Variants in SPMIP4 observed in about 807,000 individuals in gnomAD.
SPMIP4 encodes sperm microtubule inner protein 4, also known as sperm-associated microtubule inner protein 4.
chr7:25,171,639 C>T, the SPMIP4 span, among the ~76,000 whole-genome samples: 2 of 152,162 alleles, frequency 1.3e-5, no homozygotes, highest in Non-Finnish European at 2.9e-5. Flanking sequence ...GGGATAAGTG[C>T]TACATAGAGG....
chr7:25,158,865 A>AT, the SPMIP4 span, among the ~76,000 whole-genome samples: 13 of 151,594 alleles, frequency 8.6e-5, no homozygotes, highest in African/African-American at 2.4e-4. Context: ...AAAAAAAAAA[A>AT]AAATAATAAT....
At chr7:25,159,818 G>A in the SPMIP4 span, among the ~76,000 whole-genome samples, 1 of 152,172 alleles carries the variant, frequency 6.6e-6, no homozygotes, top group Admixed American at 6.6e-5. Flanking sequence ...ACAAAGGGCA[G>A]GGAAGTGATG....
chr7:25,145,378 A>T, the SPMIP4 span, among the ~76,000 whole-genome samples: 1 of 152,244 alleles, frequency 6.6e-6, no homozygotes, highest in East Asian at 1.9e-4. Flanking sequence ...CGGGAAAGGA[A>T]ATAAGCAATG....
the SPMIP4 span, among the ~76,000 whole-genome samples, chr7:25,126,569 T>C: frequency 1.3e-5 from 2 of 152,230 alleles, no homozygotes; most frequent in African/African-American, 4.8e-5. Flanking sequence ...AGAAAAACTC[T>C]GCACTTTAAC....
At chr7:25,142,479 G>T in the SPMIP4 span, 1 of 856,554 alleles carries the variant, frequency 1.2e-6, no homozygotes, top group Non-Finnish European at 1.7e-6. Context: ...AGCTACCTAT[G>T]AAGAGAAATT....
At chr7:25,126,184 C>A in the SPMIP4 span, among the ~76,000 whole-genome samples, 1 of 152,002 alleles carries the variant, frequency 6.6e-6, no homozygotes, top group Non-Finnish European at 1.5e-5. Context: ...ACAAGCAATC[C>A]AATTATACTT....
the SPMIP4 span, among the ~76,000 whole-genome samples, chr7:25,160,967 C>T: frequency 6.6e-6 from 1 of 151,952 alleles, no homozygotes; most frequent in Admixed American, 6.6e-5. Context: ...TCATCAGCTC[C>T]TGTTTTTTTT....
the SPMIP4 span, among the ~76,000 whole-genome samples, chr7:25,137,427 G>A: frequency 6.6e-6 from 1 of 151,796 alleles, no homozygotes; most frequent in Non-Finnish European, 1.5e-5. Context: ...GTTGCGGAGT[G>A]TATTAATTTG....
At chr7:25,142,359 T>C in the SPMIP4 span, 12 of 1,495,448 alleles carry the variant, frequency 8.0e-6, no homozygotes, top group African/African-American at 1.2e-4. Flanking sequence ...CCTTATTATT[T>C]TGTTAGGGTA....
chr7:25,179,087 A>C, the SPMIP4 span: 4 of 1,350,928 alleles, frequency 3.0e-6, no homozygotes, highest in Non-Finnish European at 3.0e-6. Flanking sequence ...AGAGCCCCAG[A>C]ACAATAAATG....
At chr7:25,134,800 A>G in the SPMIP4 span, 1 of 985,248 alleles carries the variant, frequency 1.0e-6, no homozygotes, top group Non-Finnish European at 1.2e-6. Context: ...CACTTCAGAC[A>G]CTCCCAATTG....
At chr7:25,161,061 C>T in the SPMIP4 span, 1 of 563,424 alleles carries the variant, frequency 1.8e-6, no homozygotes, top group Non-Finnish European at 3.1e-6. Context: ...GGCATTGTCT[C>T]TATTTTAAAA....
At chr7:25,151,590 A>G in the SPMIP4 span, 1 of 1,545,832 alleles carries the variant, frequency 6.5e-7, no homozygotes, top group South Asian at 1.1e-5. Context: ...TTAAAAAGAT[A>G]CTTACATCAT....
At chr7:25,147,108 C>A in the SPMIP4 span, among the ~76,000 whole-genome samples, 1 of 152,090 alleles carries the variant, frequency 6.6e-6, no homozygotes, top group Admixed American at 6.6e-5. Context: ...CCAGCCCGGA[C>A]AACAGGGTGA....
chr7:25,157,030 G>A, the SPMIP4 span, among the ~76,000 whole-genome samples: 1 of 151,846 alleles, frequency 6.6e-6, no homozygotes, highest in South Asian at 2.1e-4. Context: ...TTATTGCAGA[G>A]TGACAGAAAG....
the SPMIP4 span, chr7:25,135,895 C>T: frequency 6.7e-7 from 1 of 1,495,544 alleles, no homozygotes; most frequent in Non-Finnish European, 8.9e-7. Context: ...AAACAGAATC[C>T]AGCAATACGA....
the SPMIP4 span, among the ~76,000 whole-genome samples, chr7:25,171,841 A>C: frequency 6.6e-6 from 1 of 152,246 alleles, no homozygotes; most frequent in South Asian, 2.1e-4. Context: ...GTTCAAGGTG[A>C]GTCAGAAGTT....
chr7:25,131,968 G>GCCAC, the SPMIP4 span, among the ~76,000 whole-genome samples: 1 of 152,310 alleles, frequency 6.6e-6, no homozygotes, highest in African/African-American at 2.4e-5. This position sits in a 1 kb window ranked among gnomAD's most constrained non-coding sequence, Gnocchi z 4.2. Context: ...AACAGCAGTG[G>GCCAC]TGGACGGCAA....
the SPMIP4 span, among the ~76,000 whole-genome samples, chr7:25,175,419 T>C: frequency 6.6e-6 from 1 of 151,992 alleles, no homozygotes; most frequent in African/African-American, 2.4e-5. Flanking sequence ...CCACCACACC[T>C]GGCTAATTTT....
Sources: allele counts gnomAD v4.1 joint callset (sites outside exome capture counted in the v4.1 genomes callset), GRCh38; gene constraint gnomAD v4.1.1; non-coding constraint Gnocchi (gnomAD v3.1); transcripts MANE v1.5; gene names NCBI Gene and HGNC (gene_info 2026-07-23, HGNC 2026-07-21).